Variants in TRAPPC3L observed in about 807,000 individuals in gnomAD.
TRAPPC3L encodes trafficking protein particle complex subunit 3L.
TRAPPC3L carries 23 observed loss-of-function variants against 23.7 expected under a neutral mutation model. The observed-to-expected ratio is 0.97, with a 90% CI of 0.70 to 1.37. The LOEUF is 1.37. TRAPPC3L is among the 40% of genes most tolerant of loss of function. The pLI is 0.00. For missense variants in TRAPPC3L, 212 were observed against 216.8 expected, an observed-to-expected ratio of 0.98 and a Z score of 0.14; for synonymous variants, 81 against 77.9, an observed-to-expected ratio of 1.04 and a Z score of -0.21.
chr6:116,521,329 G>T (rs1342716314), intron 3 of TRAPPC3L: 1 of 152,132 alleles, frequency 6.6e-6, no homozygotes. Flanking sequence ...TCAGGGAAAT[G>T]TGTAGGGTGG....
intron 3 of TRAPPC3L, among the ~76,000 whole-genome samples, chr6:116,502,971 G>C (rs912469244): frequency 2.6e-5 from 4 of 152,048 alleles, no homozygotes; most frequent in African/African-American, 9.7e-5. Context: ...ATCAACTACT[G>C]GGCAAAATAA....
intron 3 of TRAPPC3L, among the ~76,000 whole-genome samples, chr6:116,533,482 G>A (rs1317653473): frequency 6.6e-6 from 1 of 152,178 alleles, no homozygotes; most frequent in Non-Finnish European, 1.5e-5. Flanking sequence ...GACAGCTAGA[G>A]TTGCACTGAG....
At chr6:116,499,967 C>T (rs1308747889) in intron 4 of TRAPPC3L, among the ~76,000 whole-genome samples, 1 of 152,198 alleles carries the variant, frequency 6.6e-6, no homozygotes, top group African/African-American at 2.4e-5. Context: ...GGTGTAAAAT[C>T]CAGCCTCCAC....
intron 3 of TRAPPC3L, among the ~76,000 whole-genome samples, chr6:116,504,915 T>A (rs9488948): frequency 0.031 from 4,790 of 152,266 alleles, 251 homozygotes; most frequent in African/African-American, 0.11. Context: ...AATATCATAT[T>A]GAATGGGCAA....
intron 3 of TRAPPC3L, among the ~76,000 whole-genome samples, chr6:116,513,709 A>G: frequency 6.6e-6 from 1 of 152,218 alleles, no homozygotes; most frequent in East Asian, 1.9e-4. Context: ...GAGGCAGCAT[A>G]TAGTCCAGAC....
intron 3 of TRAPPC3L, among the ~76,000 whole-genome samples, chr6:116,533,006 G>C (rs1202950573): frequency 6.6e-6 from 1 of 152,198 alleles, no homozygotes. Context: ...TAAAGCCTAT[G>C]AGACCCACTG....
rs1166812714 is a variant in TRAPPC3L at position 116,500,950 on chromosome 6, TC to T, written c.241-285del. 4.6e-5 allele frequency among the ~76,000 whole-genome samples: 7 copies of T among 152,222 alleles called. No homozygotes were observed. The East Asian group carries it at 1.3e-3, about 29-fold the overall frequency. On this transcript the variant is annotated intron_variant, in intron 3 of 4. Transcript: ENST00000368602. ...GGAGAAGATGGGTAATTTCTGCATT[TC>T]CAACTGAGGTACCTGGTTCATCTCA...
At chr6:116,525,364 G>A (rs1772426100) in intron 3 of TRAPPC3L, among the ~76,000 whole-genome samples, 3 of 152,070 alleles carry the variant, frequency 2.0e-5, no homozygotes, top group Admixed American at 6.5e-5. Context: ...AAATATTTAG[G>A]ATAGTTATGC....
At chr6:116,511,581 A>C in intron 3 of TRAPPC3L, 1 of 916,176 alleles carries the variant, frequency 1.1e-6, no homozygotes, top group Non-Finnish European at 1.7e-6. Flanking sequence ...ATCTGGCTCA[A>C]TTCAGTCTGA....
intron 1 of TRAPPC3L, among the ~76,000 whole-genome samples, chr6:116,544,183 A>AGAG (rs1773635107): frequency 1.2e-5 from 1 of 83,214 alleles, no homozygotes; most frequent in African/African-American, 3.4e-5. Context: ...GAGAGAGAGA[A>AGAG]TGATGAGATT....
intron 2 of TRAPPC3L, 84 bp downstream of exon 2, chr6:116,543,219 C>A (rs1773570535): frequency 1.0e-6 from 1 of 977,042 alleles, no homozygotes; most frequent in Admixed American, 2.7e-5. Flanking sequence ...TGAAATGAAG[C>A]AAAGGAAGTC....
At chr6:116,530,840 A>C (rs1047887986) in intron 3 of TRAPPC3L, among the ~76,000 whole-genome samples, 1 of 149,860 alleles carries the variant, frequency 6.7e-6, no homozygotes, top group African/African-American at 2.4e-5. Context: ...ACAAAGAAAA[A>C]CAAACACCAG....
At chr6:116,510,248 T>G (rs563574573) in intron 3 of TRAPPC3L, among the ~76,000 whole-genome samples, 1 of 152,138 alleles carries the variant, frequency 6.6e-6, no homozygotes, top group African/African-American at 2.4e-5. Context: ...TAGTACAACC[T>G]CTATAAAAAA....
intron 3 of TRAPPC3L, among the ~76,000 whole-genome samples, chr6:116,502,488 A>G (rs949505164): frequency 6.6e-6 from 1 of 152,238 alleles, no homozygotes; most frequent in African/African-American, 2.4e-5. Flanking sequence ...CAACCTAGCA[A>G]GGCAGGTCAG....
intron 4 of TRAPPC3L, among the ~76,000 whole-genome samples, chr6:116,500,215 A>C (rs1418619302): frequency 6.6e-6 from 1 of 152,262 alleles, no homozygotes; most frequent in African/African-American, 2.4e-5. Context: ...AGCCCTGGCC[A>C]GCAGCTTGAC....
chr6:116,511,834 G>A (rs770315448), intron 3 of TRAPPC3L: 4 of 1,614,116 alleles, frequency 2.5e-6, no homozygotes, highest in Admixed American at 1.7e-5. Context: ...GCAGCACTGA[G>A]AATATGACCT....
chr6:116,521,381 T>C (rs564758256), intron 3 of TRAPPC3L: 1 of 152,162 alleles, frequency 6.6e-6, no homozygotes, highest in East Asian at 1.9e-4. Context: ...GGGGAGTTGA[T>C]GGTACAAATC....
At chr6:116,541,875 A>G (rs1422961038) in intron 2 of TRAPPC3L, among the ~76,000 whole-genome samples, 4 of 152,178 alleles carry the variant, frequency 2.6e-5, no homozygotes, top group African/African-American at 9.6e-5. Context: ...GATATTTTAT[A>G]AATTAAAAAT....
At chr6:116,524,374 TG>T (rs544513686) in intron 3 of TRAPPC3L, 181 of 152,330 alleles carry the variant, frequency 1.2e-3, no homozygotes, top group African/African-American at 4.1e-3. Flanking sequence ...AATCACCCCC[TG>T]CTTAGCTGGA....
Sources: gnomAD v4.1 joint callset for allele counts (sites outside exome capture counted in the v4.1 genomes callset) on GRCh38, gnomAD v4.1.1 for gene constraint, MANE v1.5 for transcripts, NCBI Gene and HGNC (gene_info 2026-07-23, HGNC 2026-07-21) for gene names.